PCDHGA7: variants seen among roughly 807,000 people sequenced by gnomAD.
PCDHGA7 encodes the protein protocadherin gamma-A7.
A neutral mutation model predicts 58.3 loss-of-function variants in PCDHGA7; 44 were observed. The ratio of observed to expected loss-of-function variants is 0.75; its 90% CI spans 0.59 to 0.97. The LOEUF is 0.97. PCDHGA7 is among the 50% of genes least tolerant of loss of function. PCDHGA7 has a pLI of 0.00. For missense variants in PCDHGA7, 1,266 were observed against 1,188.7 expected, an observed-to-expected ratio of 1.06 and a Z score of -0.96; for synonymous variants, 516 against 504.2, an observed-to-expected ratio of 1.02 and a Z score of -0.31.
In PCDHGA7 at chr5:141,384,719, T is replaced by A. The variant is rs758469916; in HGVS notation, c.1820T>A (p.Leu607His). The change falls in exon 1 of 4, where the codon CTC becomes CAC. Residue 607 changes from leucine to histidine, a missense_variant. By Grantham distance (99) the Leu-to-His change is moderately conservative. Coordinates refer to ENST00000518325, the MANE Select transcript of PCDHGA7 (RefSeq NM_018920.4). The stretch of plus-strand genomic sequence containing the variant: ...GGCCAGAACGCCTGGCTGTCATACC[T>A]CCTGCTTAAGGCCAGCGAGCCAGGA... ...DSGQNAWLSY[L>H]LLKASEPGLF... 1 of 1,614,100 alleles carries A rather than the reference T, an allele frequency of 6.2e-7. No homozygotes were observed. Among genetic ancestry groups the A allele is most frequent in the Non-Finnish European group, 8.5e-7 (1 of 1,180,034 alleles).
At chr5:141,492,189 G>C (rs2099737936) in intron 1 of PCDHGA7, among the ~76,000 whole-genome samples, 1 of 152,204 alleles carries the variant, frequency 6.6e-6, no homozygotes, top group Non-Finnish European at 1.5e-5. Context: ...GCACCTGTCT[G>C]CGGGACTTAG....
chr5:141,393,393 C>G (rs1244010216), intron 1 of PCDHGA7: 2 of 1,613,900 alleles, frequency 1.2e-6, no homozygotes, highest in African/African-American at 1.3e-5. Context: ...AAACCCAGAG[C>G]TGGTGCTGGA....
At chr5:141,458,413 G>A (rs138479316) in intron 1 of PCDHGA7, among the ~76,000 whole-genome samples, 1 of 152,196 alleles carries the variant, frequency 6.6e-6, no homozygotes, top group East Asian at 1.9e-4. Context: ...CGGAGCGGGG[G>A]TTCCAAAGCT....
chr5:141,471,408 T>C (rs951728688), intron 1 of PCDHGA7: 1 of 152,166 alleles, frequency 6.6e-6, no homozygotes, highest in Non-Finnish European at 1.5e-5. Flanking sequence ...CTAGGCTTAG[T>C]TATGTTTTTA....
intron 1 of PCDHGA7, chr5:141,492,050 C>T (rs2099736541): frequency 4.0e-6 from 2 of 500,984 alleles, no homozygotes; most frequent in South Asian, 7.5e-5. Context: ...AGATCCACCC[C>T]TGCAGCCAGC....
At chr5:141,390,025 G>A (rs762363185) in intron 1 of PCDHGA7, 2 of 1,613,882 alleles carry the variant, frequency 1.2e-6, no homozygotes, top group African/African-American at 1.3e-5. Flanking sequence ...TTGCGCCTGC[G>A]ACGCTCCTCC....
chr5:141,399,038 A>G (rs1228007346), intron 1 of PCDHGA7: 2 of 1,613,854 alleles, frequency 1.2e-6, no homozygotes, highest in South Asian at 2.2e-5. Context: ...AAGAAACTGG[A>G]TTTTGAAGAG....
chr5:141,409,405 C>G, intron 1 of PCDHGA7: 1 of 1,614,050 alleles, frequency 6.2e-7, no homozygotes, highest in Non-Finnish European at 8.5e-7. Flanking sequence ...CCAATAACTA[C>G]TACAAACTGG....
chr5:141,420,318 T>C, intron 1 of PCDHGA7: 1 of 1,446,376 alleles, frequency 6.9e-7, no homozygotes, highest in Non-Finnish European at 9.3e-7. Context: ...TATTACAATA[T>C]GCCAATATAT....
chr5:141,394,228 T>C lies in PCDHGA7; in HGVS notation c.2424+8905T>C, dbSNP rs1236057008. On this transcript the variant is annotated intron_variant, in intron 1 of 3. Transcript: ENST00000518325. ...AACAACCTGAGAGGAGCCTCCATCT[T>C]TTCCTTGACTGCACACGACCCCGAC... is the stretch of plus-strand genomic sequence containing the variant. 3.7e-6 allele frequency: 6 copies of C among 1,613,886 alleles called. No individual in the cohort carries two copies. The South Asian group carries it at 4.4e-5, about 12-fold the overall frequency.
rs1254438724 is a variant in PCDHGA7 at position 141,389,817 on chromosome 5, C to T, written c.2424+4494C>T. 17 of 1,613,870 alleles carry T rather than the reference C, an allele frequency of 1.1e-5. No homozygotes were observed. Among genetic ancestry groups the T allele is most frequent in the Non-Finnish European group, 1.4e-5 (16 of 1,179,892 alleles). On this transcript the variant is annotated intron_variant, in intron 1 of 3. Transcript: ENST00000518325. ...CCGCCAGCGCCTTCTGGTCGCCGTG[C>T]GTGACGGTGGACAGCCACCACTCTC...
chr5:141,383,551 G>A lies in PCDHGA7; in HGVS notation c.652G>A (p.Gly218Ser), dbSNP rs772901140. 8 of 1,612,382 alleles carry A rather than the reference G, an allele frequency of 5.0e-6. No individual in the cohort carries two copies. Among genetic ancestry groups the A allele is most frequent in the Admixed American group, 3.3e-5 (2 of 59,816 alleles). Residue 218 changes from glycine (G) to serine (S), a missense_variant, in exon 1 of 4, where the codon GGC becomes AGC. Transcript: ENST00000518325. Reference protein sequence around the residue: ...HHLVLTASDGGDPPRSSTAHI... With the variant: ...HHLVLTASDGSDPPRSSTAHI... ...CCTGGTCCTCACAGCCTCTGATGGC[G>A]GCGACCCGCCCCGATCCAGCACCGC...
rs757065593 is a variant in PCDHGA7, at chr5:141,418,576, C to G, written c.2424+33253C>G. 1.5e-5 allele frequency: 25 copies of G among 1,614,012 alleles called. No homozygotes were observed. In the South Asian group the frequency reaches 2.7e-4, roughly 18 times the overall value. On this transcript the variant is annotated intron_variant, in intron 1 of 3. Transcript: ENST00000518325. ...TGGTAATAGATGCCAATGACAACCCCCCAGTGTTCAGCCAGGACGTGTACA... is the reference window on the plus strand; with the variant it reads ...TGGTAATAGATGCCAATGACAACCCGCCAGTGTTCAGCCAGGACGTGTACA...
In PCDHGA7 at chr5:141,487,198, T is replaced by C; in HGVS notation, c.2425-7609T>C. ...AAGACACTCATCCAGTTGTCCCAGA[T>C]CTTCGAGAATCTTCAGCTCCAAGGG... On this transcript the variant is annotated intron_variant, in intron 1 of 3. Transcript: ENST00000518325. The surrounding 1 kb of genome is among the most constrained non-coding windows in gnomAD (Gnocchi z 5.0). The C allele has an allele frequency of 6.2e-7, 1 of 1,613,854 alleles. No homozygotes were observed.
In PCDHGA7 at chr5:141,476,299, C is replaced by G; in HGVS notation, c.2425-18508C>G. On this transcript the variant is annotated intron_variant, in intron 1 of 3. Transcript: ENST00000518325. This position sits in a 1 kb window ranked among gnomAD's most constrained non-coding sequence, Gnocchi z 7.6. The stretch of plus-strand genomic sequence containing the variant: ...ACCTTGGTTTGGATCTCGGTAGCCT[C>G]TCAGCCCGCAGGTTCCGGGTGGTGT... The G allele has an allele frequency of 6.2e-7, 1 of 1,614,100 alleles. No individual in the cohort carries two copies. The highest frequency in any genetic ancestry group is 8.5e-7 in the Non-Finnish European group (1 of 1,180,014).
intron 2 of PCDHGA7, among the ~76,000 whole-genome samples, chr5:141,503,269 C>A (rs1161751693): frequency 6.6e-6 from 1 of 152,116 alleles, no homozygotes; most frequent in Non-Finnish European, 1.5e-5. Context: ...ACCCCAGCAC[C>A]TGGCTCTGTG....
chr5:141,382,945 C>A lies in PCDHGA7; in HGVS notation c.46C>A (p.Leu16Ile). The A allele has an allele frequency of 6.3e-7, 1 of 1,597,008 alleles. No individual in the cohort carries two copies. Among genetic ancestry groups the A allele is most frequent in the Non-Finnish European group, 8.6e-7 (1 of 1,169,516 alleles). ...CGGGGACTACAGAGGATTCTTCCTG[C>A]TCTCCATCCTCCTGGGGACCCCCTG... The part of the protein sequence containing the change: ...RGGDYRGFFL[L>I]SILLGTPWEA... The change falls in exon 1 of 4, where the codon CTC (leucine) becomes ATC (isoleucine). Residue 16 changes from leucine to isoleucine, a missense_variant. Leu to Ile is a conservative substitution (Grantham distance 5). Coordinates refer to ENST00000518325, the MANE Select transcript of PCDHGA7 (RefSeq NM_018920.4).
intron 1 of PCDHGA7, chr5:141,392,745 G>T: frequency 6.9e-7 from 1 of 1,441,296 alleles, no homozygotes; most frequent in Non-Finnish European, 9.1e-7. Flanking sequence ...CCATAGCTGC[G>T]GCAAGAAACT....
intron 1 of PCDHGA7, chr5:141,399,057 A>C (rs747872462): frequency 6.2e-7 from 1 of 1,613,840 alleles, no homozygotes; most frequent in Admixed American, 1.7e-5. Context: ...AGACCAAGGA[A>C]TATTCAATGG....
Sources: allele counts gnomAD v4.1 joint callset (sites outside exome capture counted in the v4.1 genomes callset), GRCh38; gene constraint gnomAD v4.1.1; non-coding constraint Gnocchi (gnomAD v3.1); transcripts MANE v1.5; gene names NCBI Gene and HGNC (gene_info 2026-07-23, HGNC 2026-07-21).